Variants in EXOC6B observed in about 807,000 individuals in gnomAD.
EXOC6B encodes the protein SEC15 homolog B.
EXOC6B carries 54 observed loss-of-function variants against 113.5 expected under a neutral mutation model. That is an observed-to-expected ratio of 0.48 (90% CI 0.38 to 0.60). The LOEUF is 0.60. Among genes scored for constraint, EXOC6B ranks in the 20% least tolerant of loss-of-function variants. The probability of loss-of-function intolerance (pLI) is 0.00; values close to 1 mark genes in which losing one functional copy is unlikely to be tolerated. For missense variants in EXOC6B, 797 were observed against 977.5 expected, an observed-to-expected ratio of 0.82 and a Z score of 2.46; for synonymous variants, 357 against 339.0, an observed-to-expected ratio of 1.05 and a Z score of -0.58.
intron 18 of EXOC6B, among the ~76,000 whole-genome samples, chr2:72,421,753 G>A (rs1045216856): frequency 3.9e-5 from 6 of 152,310 alleles, no homozygotes; most frequent in East Asian, 1.9e-4. Flanking sequence ...TCGGCCCGCC[G>A]CTGCACTGTG....
At chr2:72,780,503 T>C (rs1683964639) in intron 1 of EXOC6B, among the ~76,000 whole-genome samples, 1 of 152,210 alleles carries the variant, frequency 6.6e-6, no homozygotes, top group South Asian at 2.1e-4. Flanking sequence ...ACCTGAAGTA[T>C]TCTGTGCCCT....
intron 6 of EXOC6B, among the ~76,000 whole-genome samples, chr2:72,612,055 G>T (rs1472762904): frequency 6.6e-6 from 1 of 152,100 alleles, no homozygotes; most frequent in Non-Finnish European, 1.5e-5. Context: ...GCCTGAGGCG[G>T]GTGGATCACT....
At chr2:72,377,813 A>G (rs1449831022) in intron 19 of EXOC6B, among the ~76,000 whole-genome samples, 4 of 152,200 alleles carry the variant, frequency 2.6e-5, no homozygotes, top group Admixed American at 2.6e-4. Context: ...ATGTACTGAA[A>G]TCTTGAAAAT....
intron 11 of EXOC6B, among the ~76,000 whole-genome samples, chr2:72,503,613 G>A (rs1700445047): frequency 6.6e-6 from 1 of 152,160 alleles, no homozygotes; most frequent in African/African-American, 2.4e-5. Context: ...AAACATGGTT[G>A]CTTCCATGTT....
chr2:72,656,187 T>C (rs1373932128), intron 6 of EXOC6B, among the ~76,000 whole-genome samples: 2 of 152,058 alleles, frequency 1.3e-5, no homozygotes, highest in Non-Finnish European at 2.9e-5. Context: ...TATAACAGTA[T>C]GCAATAAACA....
intron 6 of EXOC6B, among the ~76,000 whole-genome samples, chr2:72,696,670 T>A (rs1308903098): frequency 6.6e-6 from 1 of 152,190 alleles, no homozygotes; most frequent in Non-Finnish European, 1.5e-5. Flanking sequence ...TTTAGTCTAC[T>A]GGGGAATAAG....
intron 18 of EXOC6B, among the ~76,000 whole-genome samples, chr2:72,384,604 A>G (rs1691885777): frequency 1.3e-5 from 2 of 152,072 alleles, no homozygotes; most frequent in African/African-American, 4.8e-5. Flanking sequence ...AATATATATG[A>G]TCTTATATAG....
At chr2:72,615,870 C>G (rs890481193) in intron 6 of EXOC6B, among the ~76,000 whole-genome samples, 1 of 152,076 alleles carries the variant, frequency 6.6e-6, no homozygotes, top group African/African-American at 2.4e-5. Context: ...CAAAGACCTT[C>G]CAGTGAAACA....
chr2:72,539,699 A>T (rs1702482608), intron 8 of EXOC6B, among the ~76,000 whole-genome samples: 1 of 151,634 alleles, frequency 6.6e-6, no homozygotes, highest in South Asian at 2.1e-4. Flanking sequence ...GAGCTTCAAA[A>T]TTTCTTATAT....
intron 18 of EXOC6B, among the ~76,000 whole-genome samples, chr2:72,392,295 A>G (rs1421688281): frequency 2.6e-5 from 4 of 152,176 alleles, no homozygotes; most frequent in South Asian, 2.1e-4. Flanking sequence ...TGAGCTTTAC[A>G]TCTTCTACCT....
intron 1 of EXOC6B, among the ~76,000 whole-genome samples, chr2:72,804,734 T>C (rs1382749463): frequency 3.3e-5 from 5 of 152,100 alleles, no homozygotes; most frequent in African/African-American, 1.2e-4. Flanking sequence ...TAGCTGGGAT[T>C]ACAGGCACGC....
intron 18 of EXOC6B, among the ~76,000 whole-genome samples, chr2:72,392,243 T>G (rs1435300718): frequency 6.6e-6 from 1 of 152,152 alleles, no homozygotes; most frequent in Non-Finnish European, 1.5e-5. Context: ...ACCCTTGGCC[T>G]TGGTCAACAT....
chr2:72,465,851 C>T (rs1158616299), intron 17 of EXOC6B, among the ~76,000 whole-genome samples: 4 of 152,158 alleles, frequency 2.6e-5, no homozygotes, highest in African/African-American at 9.7e-5. Context: ...ACTCTGTCTT[C>T]CCGTGGAATT....
At chr2:72,547,878 T>G (rs1306464212) in intron 8 of EXOC6B, among the ~76,000 whole-genome samples, 1 of 152,132 alleles carries the variant, frequency 6.6e-6, no homozygotes, top group African/African-American at 2.4e-5. Flanking sequence ...AACAGTAAAA[T>G]TTTTAGTTTT....
At position 72,334,835 on chromosome 2, in the gene EXOC6B, CA is replaced by C. The variant is rs1688596594; in HGVS notation, c.2196+111del. 2.2e-5 allele frequency: 21 copies of C among 933,418 alleles called. No homozygotes were observed. In the South Asian group the frequency reaches 2.8e-4, roughly 12 times the overall value. The allele number at this position is 933,418 out of a possible 1,614,324, so 57.8% of individuals were successfully genotyped here. A position where few individuals can be genotyped will look rare whatever the true frequency, so the allele number is the denominator to read the frequency against. On this transcript the variant is annotated intron_variant, in intron 20 of 21. Transcript: ENST00000272427. ...AATACAGGGAAAACCCTTAGGTCTC[CA>C]ATGTGAATCGCCAACGCCAATCCCC...
chr2:72,315,371 T>C (rs546501076), intron 20 of EXOC6B, among the ~76,000 whole-genome samples: 5 of 151,202 alleles, frequency 3.3e-5, no homozygotes, highest in Admixed American at 3.3e-4. Flanking sequence ...GAAGGTTCTA[T>C]AGGATCTTAT....
intron 8 of EXOC6B, among the ~76,000 whole-genome samples, chr2:72,536,335 C>T (rs1702289381): frequency 6.6e-6 from 1 of 152,092 alleles, no homozygotes; most frequent in Non-Finnish European, 1.5e-5. Context: ...GTACTGTCAA[C>T]TGTATTATTT....
At chr2:72,457,084 G>A (rs777088084) in intron 18 of EXOC6B, among the ~76,000 whole-genome samples, 1 of 151,806 alleles carries the variant, frequency 6.6e-6, no homozygotes, top group Non-Finnish European at 1.5e-5. Flanking sequence ...ATTATGGGAG[G>A]AGAATCTTTG....
chr2:72,227,293 G>C (rs935605291), intron 20 of EXOC6B, among the ~76,000 whole-genome samples: 10 of 152,068 alleles, frequency 6.6e-5, no homozygotes, highest in Non-Finnish European at 4.4e-5. Flanking sequence ...TACTGAGCAA[G>C]TACTGAAAAG....
Sources: gnomAD v4.1 joint callset for allele counts (sites outside exome capture counted in the v4.1 genomes callset) on GRCh38, gnomAD v4.1.1 for gene constraint, MANE v1.5 for transcripts, NCBI Gene and HGNC (gene_info 2026-07-23, HGNC 2026-07-21) for gene names.